The following LINGO2 variants were observed in gnomAD, a reference collection of about 807,000 sequenced individuals.
LINGO2 encodes the protein leucine rich repeat and Ig domain containing 2.
LINGO2 carries 14 observed loss-of-function variants against 30.6 expected under a neutral mutation model. The observed-to-expected ratio is 0.46, with a 90% CI of 0.30 to 0.72. The LOEUF (loss-of-function observed/expected upper bound fraction) is 0.72. Ranked by LOEUF, LINGO2 falls within the 30% of genes least tolerant of loss-of-function variation. The probability of loss-of-function intolerance (pLI) is 0.07; values close to 1 mark genes in which losing one functional copy is unlikely to be tolerated. For missense variants in LINGO2, 729 were observed against 751.7 expected (o/e 0.97, Z 0.35); for synonymous variants, 317 against 288.5 (o/e 1.10, Z -1.00).
At chr9:28,391,224 A>G (rs566581531) in intron 2 of LINGO2, among the ~76,000 whole-genome samples, 3 of 152,344 alleles carry the variant, frequency 2.0e-5, no homozygotes, top group African/African-American at 7.2e-5. Context: ...AATCAGCACC[A>G]CACTGATTAA....
At chr9:28,570,887 A>G (rs1413877313) in intron 1 of LINGO2, among the ~76,000 whole-genome samples, 1 of 151,988 alleles carries the variant, frequency 6.6e-6, no homozygotes, top group African/African-American at 2.4e-5. Context: ...ATTCACTATC[A>G]AGTAGCCTAC....
chr9:28,771,490 TGTGTGTGTGTGTGTGTGA>T, the LINGO2 span, among the ~76,000 whole-genome samples: 68 of 128,036 alleles, frequency 5.3e-4, no homozygotes, highest in Middle Eastern at 4.0e-3. Context: ...TGTGTGTGTG[TGTGTGTGTGTGTGTGTGA>T]GAGAGAGAGA....
rs561157205 is a variant in LINGO2, at chr9:28,299,549, G to A, written c.-245-4183C>T. Among the ~76,000 whole-genome samples, 10 of 152,026 alleles carry A rather than the reference G, an allele frequency of 6.6e-5. No individual in the cohort carries two copies. The South Asian group carries it at 1.5e-3, about 22-fold the overall frequency. ...ACCACTAATACTTGTAAATGTTGTT[G>A]CTATCTATTTTATATGTAGTTTCTT... On this transcript the variant is annotated intron_variant, in intron 3 of 5. Transcript: ENST00000379992.
At chr9:27,959,868 T>A (rs1466996331) in intron 5 of LINGO2, among the ~76,000 whole-genome samples, 1 of 152,190 alleles carries the variant, frequency 6.6e-6, no homozygotes, top group African/African-American at 2.4e-5. Context: ...GAAATGGGTA[T>A]TAAAATCTCT....
At chr9:28,260,748 G>A (rs545627723) in intron 4 of LINGO2, among the ~76,000 whole-genome samples, 2 of 151,974 alleles carry the variant, frequency 1.3e-5, no homozygotes, top group South Asian at 4.2e-4. Context: ...CACCTCTAAT[G>A]AGTTTCTTAC....
intron 2 of LINGO2, among the ~76,000 whole-genome samples, chr9:28,459,996 TA>T (rs2135115748): frequency 6.6e-6 from 1 of 152,302 alleles, no homozygotes; most frequent in Admixed American, 6.5e-5. Flanking sequence ...ATAAACTGAA[TA>T]AATGAGGCAT....
At chr9:28,559,460 T>C (rs1442223563) in intron 1 of LINGO2, among the ~76,000 whole-genome samples, 1 of 152,144 alleles carries the variant, frequency 6.6e-6, no homozygotes, top group Non-Finnish European at 1.5e-5. Context: ...TCATTGCACA[T>C]GCATTTTATT....
chr9:28,869,871 G>GT, the LINGO2 span, among the ~76,000 whole-genome samples: 4 of 151,610 alleles, frequency 2.6e-5, no homozygotes, highest in African/African-American at 9.7e-5. Context: ...CTATGGGCTC[G>GT]TTTTACACCC....
At chr9:28,853,709 A>C in the LINGO2 span, among the ~76,000 whole-genome samples, 1 of 151,954 alleles carries the variant, frequency 6.6e-6, no homozygotes, top group Non-Finnish European at 1.5e-5. Flanking sequence ...AATTGCAAGC[A>C]GGGGATATGC....
chr9:28,350,381 C>A (rs1384877785), intron 3 of LINGO2, among the ~76,000 whole-genome samples: 1 of 148,108 alleles, frequency 6.8e-6, no homozygotes, highest in African/African-American at 2.5e-5. Flanking sequence ...TTTAAAGCAA[C>A]AAAGATCAAA....
intron 1 of LINGO2, among the ~76,000 whole-genome samples, chr9:28,637,501 C>G (rs543545690): frequency 2.8e-4 from 42 of 152,210 alleles, no homozygotes; most frequent in Non-Finnish European, 4.9e-4. Flanking sequence ...TTTCGTTGAG[C>G]AGTGTTTTGT....
chr9:27,972,075 C>G (rs1287743353), intron 5 of LINGO2, among the ~76,000 whole-genome samples: 1 of 151,608 alleles, frequency 6.6e-6, no homozygotes, highest in Non-Finnish European at 1.5e-5. Context: ...TGCAATGGAA[C>G]CAAAGTCACA....
the LINGO2 span, among the ~76,000 whole-genome samples, chr9:29,188,373 T>C: frequency 6.6e-6 from 1 of 152,070 alleles, no homozygotes; most frequent in African/African-American, 2.4e-5. Context: ...GGCAGAAGAA[T>C]TTTTCTTAGT....
the LINGO2 span, among the ~76,000 whole-genome samples, chr9:28,844,986 G>A: frequency 6.6e-6 from 1 of 151,788 alleles, no homozygotes; most frequent in Non-Finnish European, 1.5e-5. Context: ...TGCTAAGTAG[G>A]TACTTATGAA....
At chr9:28,049,580 T>C (rs1262119482) in intron 4 of LINGO2, among the ~76,000 whole-genome samples, 1 of 150,642 alleles carries the variant, frequency 6.6e-6, no homozygotes, top group African/African-American at 2.5e-5. Flanking sequence ...CATGTTTAAG[T>C]CTAGATTTTA....
At chr9:28,848,363 T>TTGTGTGTGTG in the LINGO2 span, among the ~76,000 whole-genome samples, 35 of 74,654 alleles carry the variant, frequency 4.7e-4, no homozygotes, top group South Asian at 6.8e-4. Context: ...TACACATATA[T>TTGTGTGTGTG]TGTGTGTGTG....
chr9:28,506,485 C>CATATATATATATATATATATATAT lies in LINGO2; in HGVS notation c.-364-30461_-364-30460insATATATATATATATATATATATAT, dbSNP rs1491111372. Reference sequence around the variant, plus strand: ...ACATACACACACACACACACATACACATACACACACACACACAGACATATA... The same window carrying CATATATATATATATATATATATAT: ...ACATACACACACACACACACATACACATATATATATATATATATATATATATACACACACACACACAGACATATA... On this transcript the variant is annotated intron_variant, in intron 1 of 5. Coordinates refer to ENST00000379992, the Ensembl canonical transcript of LINGO2. Among the ~76,000 whole-genome samples, 4 of 73,380 alleles carry CATATATATATATATATATATATAT rather than the reference C, an allele frequency of 5.5e-5. 1 individual carries two copies. The highest frequency in any genetic ancestry group is 8.1e-5 in the Non-Finnish European group (3 of 36,880). The allele number at this position is 73,380 out of a possible 152,430, so 48.1% of individuals were successfully genotyped here.
the LINGO2 span, among the ~76,000 whole-genome samples, chr9:29,207,756 C>T: frequency 6.6e-6 from 1 of 151,976 alleles, no homozygotes; most frequent in African/African-American, 2.4e-5. Flanking sequence ...TGGTATTTAA[C>T]TTACCCTTGC....
At chr9:28,603,777 G>A (rs541268735) in intron 1 of LINGO2, among the ~76,000 whole-genome samples, 1 of 152,064 alleles carries the variant, frequency 6.6e-6, no homozygotes, top group Non-Finnish European at 1.5e-5. Context: ...AGTGTTATTT[G>A]AATTTATTCT....
Sources: gnomAD v4.1 joint callset for allele counts (sites outside exome capture counted in the v4.1 genomes callset) on GRCh38, gnomAD v4.1.1 for gene constraint, MANE v1.5 for transcripts, NCBI Gene and HGNC (gene_info 2026-07-23, HGNC 2026-07-21) for gene names.